The following CYTH4 variants were observed in gnomAD, a reference collection of about 807,000 sequenced individuals.
The protein encoded by CYTH4 is cytohesin-4.
In CYTH4, 22 loss-of-function variants were observed where a neutral mutation model predicts 57.5. The ratio of observed to expected loss-of-function variants is 0.38; its 90% CI spans 0.27 to 0.55. CYTH4 has a LOEUF of 0.55. Among genes scored for constraint, CYTH4 ranks in the 20% least tolerant of loss-of-function variants. The pLI is 0.74. For synonymous variants in CYTH4, 186 were observed against 206.5 expected (o/e 0.90, Z 0.85); for missense variants, 420 against 535.6 (o/e 0.78, Z 2.13).
intron 8 of CYTH4, among the ~76,000 whole-genome samples, chr22:37,304,576 G>A (rs902055729): frequency 6.6e-6 from 1 of 152,198 alleles, no homozygotes; most frequent in Non-Finnish European, 1.5e-5. Context: ...GCTCAGCACC[G>A]AGTATACCTC....
At chr22:37,313,047 G>T (rs1288035498) in intron 12 of CYTH4, among the ~76,000 whole-genome samples, 4 of 152,244 alleles carry the variant, frequency 2.6e-5, no homozygotes, top group African/African-American at 9.7e-5. Context: ...CCAGAGATGG[G>T]AGGGACCTGC....
Position 37,295,631 on chromosome 22 carries a change from G to T in CYTH4, c.168-368G>T, listed in dbSNP as rs1052590564. 6.6e-6 allele frequency among the ~76,000 whole-genome samples: 1 copy of T among 152,130 alleles called. No homozygotes were observed. The highest frequency in any genetic ancestry group is 1.5e-5 in the Non-Finnish European group (1 of 68,026). On this transcript the variant is annotated intron_variant, in intron 3 of 12. Coordinates refer to ENST00000248901, the MANE Select transcript of CYTH4 (RefSeq NM_013385.5). The surrounding 1 kb of genome is among the most constrained non-coding windows in gnomAD (Gnocchi z 4.1). The stretch of plus-strand genomic sequence containing the variant: ...GAGGCCCAGAGAGAGGAAGTGACTC[G>T]CCCAAAGCAGCCCGGCTCAGATTCG...
chr22:37,294,139 C>CG, intron 2 of CYTH4, among the ~76,000 whole-genome samples: 1 of 140,066 alleles, frequency 7.1e-6, no homozygotes, highest in East Asian at 2.1e-4. Flanking sequence ...AGACACCAGC[C>CG]GGGAGAGGCA....
chr22:37,311,890 T>G lies in CYTH4; in HGVS notation c.958-130T>G. ...GAGTGCTCAGTGTGGGAGCAGCAGC[T>G]CCTGCCCCTTCGCCTGTCGTAGGGC... On this transcript the variant is annotated intron_variant, in intron 11 of 12. Coordinates refer to ENST00000248901, the MANE Select transcript of CYTH4 (RefSeq NM_013385.5). The surrounding 1 kb of genome is among the most constrained non-coding windows in gnomAD (Gnocchi z 4.4). The G allele has an allele frequency of 8.4e-7, 1 of 1,189,364 alleles. No individual in the cohort carries two copies. 73.7% of individuals were successfully genotyped at this position (1,189,364 alleles called of 1,614,324 possible). A position where few individuals can be genotyped will look rare whatever the true frequency, so the allele number is the denominator to read the frequency against.
At chr22:37,296,190 A>T in intron 4 of CYTH4, 125 bp downstream of exon 4, 3 of 1,045,256 alleles carry the variant, frequency 2.9e-6, no homozygotes, top group Non-Finnish European at 2.8e-6. Context: ...TGCCCAGCAG[A>T]GCTGAGCATC....
At chr22:37,299,056 C>T (rs1021643705) in intron 5 of CYTH4, among the ~76,000 whole-genome samples, 170 bp from the exon 6 acceptor site, 2 of 152,122 alleles carry the variant, frequency 1.3e-5, no homozygotes, top group Non-Finnish European at 2.9e-5. Context: ...CAAGGGTGTG[C>T]CCTCAGGGTG....
At chr22:37,312,264 G>T in intron 12 of CYTH4, 90 bp downstream of exon 12, 1 of 1,512,004 alleles carries the variant, frequency 6.6e-7, no homozygotes, top group Non-Finnish European at 9.0e-7. Context: ...CTGTAAAGGG[G>T]CTAACTCCAG....
chr22:37,297,021 C>T (rs1928997210), intron 4 of CYTH4, among the ~76,000 whole-genome samples: 1 of 152,190 alleles, frequency 6.6e-6, no homozygotes, highest in Non-Finnish European at 1.5e-5. Context: ...ATGTGACAGG[C>T]ATGGTCTGAG....
intron 6 of CYTH4, among the ~76,000 whole-genome samples, chr22:37,300,498 G>A (rs1929138894): frequency 6.6e-6 from 1 of 152,084 alleles, no homozygotes; most frequent in African/African-American, 2.4e-5. Flanking sequence ...TCCAAGAAAG[G>A]GAGCCCTAGC....
Position 37,297,631 on chromosome 22 carries a change from A to T in CYTH4, c.302A>T (p.Tyr101Phe). ...PDVQDIARFL[Y>F]KGEGLNKTAI... ...GTCCAGGACATTGCACGGTTCCTGT[A>T]TAAAGGCGAGGGCCTCAACAAGACA... The change falls in exon 5 of 13, where the codon TAT (tyrosine) becomes TTT (phenylalanine). Residue 101 changes from tyrosine to phenylalanine, a missense_variant. By Grantham distance (22) the Tyr-to-Phe change is conservative (BLOSUM62 3). Coordinates refer to ENST00000248901, the MANE Select transcript of CYTH4 (RefSeq NM_013385.5). The T allele has an allele frequency of 6.2e-7, 1 of 1,614,036 alleles. No homozygotes were observed. The highest frequency in any genetic ancestry group is 1.1e-5 in the South Asian group (1 of 91,076).
chr22:37,312,001 C>A lies in CYTH4; in HGVS notation c.958-19C>A. The A allele has an allele frequency of 6.2e-7, 1 of 1,607,440 alleles. No individual in the cohort carries two copies. ...CAGCCTCCCTCTCTTCCCACCCTTG[C>A]CTGGCCACCTCCCCACAGTTCTGCC... is the stretch of plus-strand genomic sequence containing the variant. On this transcript the variant is annotated intron_variant, in intron 11 of 12. Coordinates refer to ENST00000248901, the MANE Select transcript of CYTH4 (RefSeq NM_013385.5).
chr22:37,294,563 T>G (rs892177448), intron 2 of CYTH4, 97 bp from the exon 3 acceptor site: 25 of 1,378,968 alleles, frequency 1.8e-5, no homozygotes, highest in Non-Finnish European at 2.3e-5. Flanking sequence ...GGTTTGAGAG[T>G]CGTGCCCAGG....
chr22:37,294,431 G>A (rs920169894), intron 2 of CYTH4, among the ~76,000 whole-genome samples: 1 of 152,012 alleles, frequency 6.6e-6, no homozygotes, highest in Non-Finnish European at 1.5e-5. Context: ...GGAGGCATGG[G>A]TGCAGACAGA....
chr22:37,303,284 T>C lies in CYTH4; in HGVS notation c.578T>C (p.Ile193Thr), dbSNP rs774447340. The C allele has an allele frequency of 6.2e-7, 1 of 1,614,034 alleles. No homozygotes were observed. The highest frequency in any genetic ancestry group is 8.5e-7 in the Non-Finnish European group (1 of 1,180,032). Residue 193 changes from isoleucine to threonine, a missense_variant, in exon 8 of 13, where the codon ATC becomes ACC. Coordinates refer to ENST00000248901, the MANE Select transcript of CYTH4 (RefSeq NM_013385.5). ...TGCTACGTGTTGTCCTTCTCCATCA[T>C]CATGCTCAACACCAGCCTCCACAAT... ...DTCYVLSFSI[I>T]MLNTSLHNPN... is the part of the protein sequence containing the mutation.
At chr22:37,306,664 T>C (rs564827308) in intron 8 of CYTH4, among the ~76,000 whole-genome samples, 33 of 152,372 alleles carry the variant, frequency 2.2e-4, no homozygotes, top group South Asian at 2.1e-4. Context: ...TCAGAAATGC[T>C]GGCTTCAGGT....
chr22:37,303,788 ACT>A (rs1331143245), intron 8 of CYTH4, among the ~76,000 whole-genome samples: 1 of 152,076 alleles, frequency 6.6e-6, no homozygotes, highest in Non-Finnish European at 1.5e-5. Flanking sequence ...AAACCCTCAG[ACT>A]CTGCTCTAAG....
rs966159992 is a variant in CYTH4 at position 37,282,720 on chromosome 22, A to G, written c.19+132A>G. On this transcript the variant is annotated intron_variant, in intron 1 of 12. Coordinates refer to ENST00000248901, the MANE Select transcript of CYTH4 (RefSeq NM_013385.5). ...GGAAATGCAGCTGCAAGAAGCAAACATTTGTGGGCTCAGCCTGTGTGTCCA... is the reference window on the plus strand; with the variant it reads ...GGAAATGCAGCTGCAAGAAGCAAACGTTTGTGGGCTCAGCCTGTGTGTCCA... The G allele has an allele frequency of 7.7e-5, 62 of 805,366 alleles. No individual in the cohort carries two copies. In the African/African-American group the frequency reaches 1.0e-3, roughly 13 times the overall value. 49.9% of individuals were successfully genotyped at this position (805,366 alleles called of 1,614,324 possible). A position where few individuals can be genotyped will look rare whatever the true frequency, so the allele number is the denominator to read the frequency against.
Position 37,311,437 on chromosome 22 carries a change from C to CCTT in CYTH4, c.886-17_886-15dup. 6.2e-7 allele frequency: 1 copy of CCTT among 1,612,660 alleles called. No homozygotes were observed. Among genetic ancestry groups the CCTT allele is most frequent in the Non-Finnish European group, 8.5e-7 (1 of 1,178,688 alleles). ...GGTTCCGCTTCCTGACCCTGACCTT[C>CCTT]CTTCCCCTTTCCCTGTAGGACAAGG... On this transcript the variant is annotated intron_variant, in intron 10 of 12. Transcript: ENST00000248901. The surrounding 1 kb of genome is among the most constrained non-coding windows in gnomAD (Gnocchi z 4.4).
chr22:37,296,815 G>T (rs1191885914), intron 4 of CYTH4, among the ~76,000 whole-genome samples: 6 of 152,100 alleles, frequency 3.9e-5, no homozygotes, highest in Admixed American at 6.6e-5. Flanking sequence ...GCACCCAGGG[G>T]TGTCCTCTGC....
Sources: gnomAD v4.1 joint callset for allele counts (sites outside exome capture counted in the v4.1 genomes callset) on GRCh38, gnomAD v4.1.1 for gene constraint, Gnocchi (gnomAD v3.1) non-coding constraint, MANE v1.5 for transcripts, NCBI Gene and HGNC (gene_info 2026-07-23, HGNC 2026-07-21) for gene names.